Variants in ITGA8 observed in about 807,000 individuals in gnomAD.
ITGA8 encodes integrin alpha-8.
In ITGA8, 91 loss-of-function variants were observed where a neutral mutation model predicts 142.3. That is an observed-to-expected ratio of 0.64 (90% CI 0.54 to 0.76). ITGA8 has a LOEUF of 0.76. Among genes scored for constraint, ITGA8 ranks in the 30% least tolerant of loss-of-function variants. ITGA8 has a pLI of 0.00. For missense variants in ITGA8, 1,406 were observed against 1,327.7 expected (o/e 1.06, Z -0.92); for synonymous variants, 505 against 485.2 (o/e 1.04, Z -0.54).
At chr10:15,652,245 T>G (rs954461155) in intron 11 of ITGA8, among the ~76,000 whole-genome samples, 1 of 152,168 alleles carries the variant, frequency 6.6e-6, no homozygotes, top group Non-Finnish European at 1.5e-5. Context: ...TAGACTAGAA[T>G]GCGCATGTTT....
At chr10:15,651,266 T>A (rs1834080207) in intron 11 of ITGA8, among the ~76,000 whole-genome samples, 1 of 152,202 alleles carries the variant, frequency 6.6e-6, no homozygotes, top group Non-Finnish European at 1.5e-5. Flanking sequence ...GTTAACAGGT[T>A]TGTTCAGAAA....
At chr10:15,518,065 C>T (rs1832996323) in intron 29 of ITGA8, among the ~76,000 whole-genome samples, 1 of 152,188 alleles carries the variant, frequency 6.6e-6, no homozygotes, top group Non-Finnish European at 1.5e-5. Flanking sequence ...TATTTCAATG[C>T]CAGAACCAGG....
chr10:15,538,676 G>A (rs11815235), intron 27 of ITGA8, among the ~76,000 whole-genome samples: 1,646 of 152,048 alleles, frequency 0.011, 26 homozygotes, highest in African/African-American at 0.038. Flanking sequence ...AAATGTTCAA[G>A]TTTATGACAA....
chr10:15,696,976 T>C (rs1588732927), intron 2 of ITGA8, among the ~76,000 whole-genome samples: 1 of 151,700 alleles, frequency 6.6e-6, no homozygotes, highest in Non-Finnish European at 1.5e-5. Context: ...GCCACTGTAC[T>C]CTAGTCTAAG....
At chr10:15,585,118 G>GCA (rs1196139832) in intron 23 of ITGA8, among the ~76,000 whole-genome samples, 1 of 152,122 alleles carries the variant, frequency 6.6e-6, no homozygotes, top group Non-Finnish European at 1.5e-5. Flanking sequence ...ACAGGCACGT[G>GCA]CACTAAAATG....
chr10:15,689,381 A>G (rs1011765182), intron 2 of ITGA8, among the ~76,000 whole-genome samples: 1 of 152,204 alleles, frequency 6.6e-6, no homozygotes, highest in African/African-American at 2.4e-5. Context: ...GGATGGCCGC[A>G]GAGAGAAGTG....
At chr10:15,706,199 T>TGAA (rs1396473522) in intron 2 of ITGA8, among the ~76,000 whole-genome samples, 9 of 152,086 alleles carry the variant, frequency 5.9e-5, no homozygotes, top group Non-Finnish European at 8.8e-5. Context: ...TAAGTCTTAT[T>TGAA]CCTTCAGTTC....
intron 11 of ITGA8, among the ~76,000 whole-genome samples, chr10:15,651,502 C>T (rs986771316): frequency 4.6e-5 from 7 of 151,670 alleles, no homozygotes; most frequent in African/African-American, 1.5e-4. Flanking sequence ...AAATTTCCAC[C>T]AGTTAACTTA....
At chr10:15,561,412 C>G (rs1833979120) in intron 25 of ITGA8, among the ~76,000 whole-genome samples, 1 of 151,398 alleles carries the variant, frequency 6.6e-6, no homozygotes, top group Admixed American at 6.6e-5. Flanking sequence ...GCGTTCTTAA[C>G]ATAAAAATCA....
At chr10:15,693,340 T>C (rs1395056693) in intron 2 of ITGA8, among the ~76,000 whole-genome samples, 1 of 152,214 alleles carries the variant, frequency 6.6e-6, no homozygotes, top group Non-Finnish European at 1.5e-5. Context: ...AAAATAAACA[T>C]GTAATTAAAC....
At position 15,660,886 on chromosome 10, in the gene ITGA8, A is replaced by G; in HGVS notation, c.884T>C (p.Phe295Ser). The G allele has an allele frequency of 6.2e-7, 1 of 1,613,704 alleles. No homozygotes were observed. Among genetic ancestry groups the G allele is most frequent in the East Asian group, 2.2e-5 (1 of 44,874 alleles). ...TGCATTCTCAGTACTCACATATCCAAAATTCTGTGCTCCTCTTGGAATTCC... is the reference window on the plus strand; with the variant it reads ...TGCATTCTCAGTACTCACATATCCAGAATTCTGTGCTCCTCTTGGAATTCC... ...VAGIPRGAQNFGYVSIINSTD... is the reference protein window; with the variant it reads ...VAGIPRGAQNSGYVSIINSTD... The change falls in exon 9 of 30, where the codon TTT (phenylalanine) becomes TCT (serine). Residue 295 changes from phenylalanine to serine, a missense_variant. Coordinates refer to ENST00000378076, the MANE Select transcript of ITGA8 (RefSeq NM_003638.3).
chr10:15,550,324 T>G lies in ITGA8; in HGVS notation c.2767-1756A>C, dbSNP rs74714000. 8.5e-3 allele frequency among the ~76,000 whole-genome samples: 1,290 copies of G among 152,240 alleles called. 12 individuals carry two copies. The highest frequency in any genetic ancestry group is 0.012 in the Non-Finnish European group (792 of 68,018). On this transcript the variant is annotated intron_variant, in intron 26 of 29. Transcript: ENST00000378076. ...TATCAGCAGCGTGAAAATGGACCAATACAGGTACCCACAGCAGGAACAGGA... is the reference window on the plus strand; with the variant it reads ...TATCAGCAGCGTGAAAATGGACCAAGACAGGTACCCACAGCAGGAACAGGA...
chr10:15,704,198 T>G (rs1022833270), intron 2 of ITGA8, among the ~76,000 whole-genome samples: 2 of 152,222 alleles, frequency 1.3e-5, no homozygotes, highest in African/African-American at 4.8e-5. Flanking sequence ...TCCCTAGTTA[T>G]GGTCAACATT....
intron 3 of ITGA8, among the ~76,000 whole-genome samples, chr10:15,684,687 A>AT (rs10713301): frequency 1.3e-5 from 2 of 150,382 alleles, no homozygotes; most frequent in East Asian, 1.9e-4. Context: ...TAGAAATTAA[A>AT]TTTTTTTTTT....
chr10:15,706,384 CCTTGCTTG>C (rs758595849), intron 2 of ITGA8, among the ~76,000 whole-genome samples: 1 of 152,110 alleles, frequency 6.6e-6, no homozygotes, highest in Non-Finnish European at 1.5e-5. Flanking sequence ...TACCTAGTCT[CCTTGCTTG>C]CTTGCTTGCT....
At chr10:15,578,627 C>T (rs1257115484) in intron 23 of ITGA8, among the ~76,000 whole-genome samples, 2 of 152,062 alleles carry the variant, frequency 1.3e-5, no homozygotes, top group Non-Finnish European at 2.9e-5. Flanking sequence ...TGTTTTCAAA[C>T]CCTATCATTC....
chr10:15,588,281 A>T (rs1489544820), intron 22 of ITGA8, among the ~76,000 whole-genome samples: 2 of 151,584 alleles, frequency 1.3e-5, no homozygotes, highest in Non-Finnish European at 2.9e-5. Flanking sequence ...ATGATAAGAC[A>T]ACTTAAACTG....
intron 28 of ITGA8, among the ~76,000 whole-genome samples, chr10:15,520,174 G>A (rs1243468911): frequency 6.6e-6 from 1 of 152,098 alleles, no homozygotes; most frequent in African/African-American, 2.4e-5. Context: ...CACTTTGGGA[G>A]GCCAAGGTGG....
intron 23 of ITGA8, among the ~76,000 whole-genome samples, chr10:15,582,015 G>T (rs1283443944): frequency 1.3e-5 from 2 of 152,230 alleles, no homozygotes; most frequent in Admixed American, 1.3e-4. Flanking sequence ...GAGGCAGGAA[G>T]ATTGCTTGAG....
Sources: gnomAD v4.1 joint callset for allele counts (sites outside exome capture counted in the v4.1 genomes callset) on GRCh38, gnomAD v4.1.1 for gene constraint, MANE v1.5 for transcripts, NCBI Gene and HGNC (gene_info 2026-07-23, HGNC 2026-07-21) for gene names.